Variants in SYNE1 observed in about 807,000 individuals in gnomAD.
SYNE1 encodes spectrin repeat containing nuclear envelope protein 1.
Under a neutral mutation model 1,111.0 loss-of-function variants are expected in SYNE1, and 616 were observed. The ratio of observed to expected loss-of-function variants is 0.55; its 90% CI spans 0.52 to 0.59. The LOEUF (loss-of-function observed/expected upper bound fraction) is 0.59, where lower values mean the gene tolerates loss of function less well. Ranked by LOEUF, SYNE1 falls within the 20% of genes least tolerant of loss-of-function variation. SYNE1 has a pLI of 0.00. For missense variants in SYNE1, 10,006 were observed against 10,417.0 expected, an observed-to-expected ratio of 0.96 and a Z score of 1.72; for synonymous variants, 3,855 against 3,825.8, an observed-to-expected ratio of 1.01 and a Z score of -0.28.
intron 119 of SYNE1, 39 bp from the exon 120 acceptor site, chr6:152,219,224 G>T: frequency 6.3e-7 from 1 of 1,591,816 alleles, no homozygotes; most frequent in Non-Finnish European, 8.6e-7. Context: ...GAAGCATGTT[G>T]ATACTCCTTA....
intron 56 of SYNE1, among the ~76,000 whole-genome samples, chr6:152,378,814 A>G (rs762603352): frequency 3.3e-5 from 5 of 152,202 alleles, no homozygotes; most frequent in Non-Finnish European, 5.9e-5. Context: ...CATCACAAGG[A>G]GTATCCACAT....
chr6:152,192,947 T>C (rs990555655), intron 127 of SYNE1, among the ~76,000 whole-genome samples: 4 of 152,174 alleles, frequency 2.6e-5, no homozygotes, highest in African/African-American at 2.4e-5. Flanking sequence ...TTTCAGTGTA[T>C]GTGTGTCTTT....
chr6:152,444,381 A>G, intron 30 of SYNE1, 30 bp downstream of exon 30: 1 of 1,611,284 alleles, frequency 6.2e-7, no homozygotes, highest in African/African-American at 1.3e-5. Context: ...AACTTTACAT[A>G]ATCTTGTTGG....
intron 3 of SYNE1, among the ~76,000 whole-genome samples, chr6:152,622,493 C>A (rs946886816): frequency 2.0e-5 from 3 of 152,216 alleles, no homozygotes; most frequent in Admixed American, 2.0e-4. Flanking sequence ...TCATGTAGCT[C>A]CCACTTATAA....
At chr6:152,444,687 G>T (rs536590464) in intron 29 of SYNE1, 109 bp from the exon 30 acceptor site, 1 of 953,500 alleles carries the variant, frequency 1.0e-6, no homozygotes, top group African/African-American at 1.7e-5. Context: ...ACATATTTAA[G>T]GTGTACTACG....
chr6:152,591,702 C>A (rs902630321), intron 3 of SYNE1, among the ~76,000 whole-genome samples: 4 of 152,084 alleles, frequency 2.6e-5, no homozygotes, highest in African/African-American at 9.7e-5. Flanking sequence ...GCAAAAGAAT[C>A]TATCAACAGA....
At chr6:152,544,715 A>G (rs773704451) in intron 3 of SYNE1, among the ~76,000 whole-genome samples, 2 of 152,230 alleles carry the variant, frequency 1.3e-5, no homozygotes, top group African/African-American at 2.4e-5. Flanking sequence ...GGAAACTATC[A>G]TAACTGATGA....
At position 152,330,157 on chromosome 6, in the gene SYNE1, G is replaced by A; in HGVS notation, c.14528C>T (p.Ala4843Val). ...ATAAGCCAAGGGGTCAAGGTGTGGG[G>A]CAAGATCTTCAAGATGTATGGTTAC... ...KRVTIHLEDL[A>V]PHLDPLAYEK... Residue 4843 changes from alanine to valine, a missense_variant, in exon 78 of 146, where the codon GCC becomes GTC. Transcript: ENST00000367255. 6.2e-7 allele frequency: 1 copy of A among 1,614,188 alleles called. No homozygotes were observed. The highest frequency in any genetic ancestry group is 8.5e-7 in the Non-Finnish European group (1 of 1,180,038).
intron 5 of SYNE1, among the ~76,000 whole-genome samples, chr6:152,521,469 T>C (rs1460121016): frequency 6.6e-6 from 1 of 152,194 alleles, no homozygotes; most frequent in East Asian, 1.9e-4. Flanking sequence ...CTGATCAGCA[T>C]TGCAAAAATA....
At chr6:152,144,308 T>C (rs565899366) in intron 137 of SYNE1, 2 of 177,262 alleles carry the variant, frequency 1.1e-5, no homozygotes, top group Admixed American at 5.5e-5. Flanking sequence ...TCAGAATAGA[T>C]ATATACAGAG....
At chr6:152,561,386 T>C (rs891120272) in intron 3 of SYNE1, among the ~76,000 whole-genome samples, 9 of 151,912 alleles carry the variant, frequency 5.9e-5, no homozygotes, top group Non-Finnish European at 1.3e-4. Context: ...AGATAAAAGA[T>C]CTGTATAATG....
chr6:152,310,142 A>G, intron 89 of SYNE1, 125 bp from the exon 90 acceptor site: 1 of 1,310,006 alleles, frequency 7.6e-7, no homozygotes, highest in Non-Finnish European at 1.0e-6. Context: ...AAATGTTTAA[A>G]ACAGTGTTGA....
chr6:152,580,031 G>C (rs1377892711), intron 3 of SYNE1, among the ~76,000 whole-genome samples: 2 of 152,196 alleles, frequency 1.3e-5, no homozygotes, highest in African/African-American at 2.4e-5. Flanking sequence ...TATATACCCA[G>C]TAATGGGATT....
intron 121 of SYNE1, among the ~76,000 whole-genome samples, chr6:152,215,639 A>G (rs1587999380): frequency 6.6e-6 from 1 of 152,366 alleles, no homozygotes; most frequent in East Asian, 1.9e-4. Flanking sequence ...AACAAAAGTT[A>G]TAACAGTGAT....
At chr6:152,562,232 C>T (rs1035814942) in intron 3 of SYNE1, among the ~76,000 whole-genome samples, 5 of 151,900 alleles carry the variant, frequency 3.3e-5, no homozygotes, top group South Asian at 2.1e-4. Flanking sequence ...ACAAAGAAAA[C>T]GGGCAAAGGA....
intron 72 of SYNE1, 119 bp from the exon 73 acceptor site, chr6:152,347,354 T>C (rs2096655721): frequency 2.5e-6 from 3 of 1,189,284 alleles, no homozygotes; most frequent in Non-Finnish European, 3.6e-6. Context: ...TCTTGCAATT[T>C]ACCTTAGTTA....
Position 152,331,247 on chromosome 6 carries a change from C to G in SYNE1, c.13438G>C (p.Glu4480Gln). The G allele has an allele frequency of 1.2e-6, 2 of 1,614,078 alleles. No individual in the cohort carries two copies. Among genetic ancestry groups the G allele is most frequent in the Non-Finnish European group, 1.7e-6 (2 of 1,180,036 alleles). The part of the protein sequence containing the change: ...QQHERKIMFR[E>Q]HICLLPDDVS... The stretch of plus-strand genomic sequence containing the variant: ...TCATCTGGTAACAGACAGATGTGTT[C>G]ACGGAACATTATCTTTCGCTCATGT... The change falls in exon 78 of 146, where the codon GAA (glutamate) becomes CAA (glutamine). Residue 4480 changes from glutamate (E) to glutamine (Q), a missense_variant. Transcript: ENST00000367255.
chr6:152,610,823 G>C (rs886523256), intron 3 of SYNE1, among the ~76,000 whole-genome samples: 5 of 152,186 alleles, frequency 3.3e-5, no homozygotes, highest in Non-Finnish European at 7.3e-5. Context: ...AGCCAGAAGA[G>C]AGTGGGGGCC....
rs766320378 is a variant in SYNE1 at position 152,148,241 on chromosome 6, C to T, written c.24780G>A (p.Ser8260=). The T allele has an allele frequency of 5.3e-5, 85 of 1,613,580 alleles. No homozygotes were observed. The highest frequency in any genetic ancestry group is 8.9e-5 in the East Asian group (4 of 44,864). ...GCTCGCTCCGGAGGGGCTGAGCGAG[C>T]GAGAGGGAGAGATTGGAGGAAGGCT... ...SPQPSSNLSL[S]LAQPLRSERS... Residue 8260 remains serine, a synonymous_variant, in exon 137 of 146, where the codon TCG becomes TCA. Coordinates refer to ENST00000367255, the MANE Select transcript of SYNE1 (RefSeq NM_182961.4). This position sits in a 1 kb window ranked among gnomAD's most constrained non-coding sequence, Gnocchi z 4.1.
Sources: allele counts gnomAD v4.1 joint callset (sites outside exome capture counted in the v4.1 genomes callset), GRCh38; gene constraint gnomAD v4.1.1; non-coding constraint Gnocchi (gnomAD v3.1); transcripts MANE v1.5; gene names NCBI Gene and HGNC (gene_info 2026-07-23, HGNC 2026-07-21).